The following EDEM2 variants were observed in gnomAD, a reference collection of about 807,000 sequenced individuals.
The protein encoded by EDEM2 is ER degradation enhancing alpha-mannosidase like protein 2.
Under a neutral mutation model 64.8 loss-of-function variants are expected in EDEM2, and 39 were observed. That is an observed-to-expected ratio of 0.60 (90% CI 0.47 to 0.79). EDEM2 has a LOEUF of 0.79. Among genes scored for constraint, EDEM2 ranks in the 30% least tolerant of loss-of-function variants. The pLI is 0.00. For missense variants in EDEM2, 609 were observed against 731.3 expected (o/e 0.83, Z 1.93); for synonymous variants, 296 against 291.5 (o/e 1.02, Z -0.16).
chr20:35,139,691 T>C (rs1400809931), intron 4 of EDEM2, among the ~76,000 whole-genome samples: 1 of 148,850 alleles, frequency 6.7e-6, no homozygotes, highest in African/African-American at 2.5e-5. Flanking sequence ...AAAAGAAATC[T>C]ACATGTATGT....
At chr20:35,134,122 C>T in intron 6 of EDEM2, 1 of 456,114 alleles carries the variant, frequency 2.2e-6, no homozygotes, top group Non-Finnish European at 4.4e-6. Flanking sequence ...ATCATCTGGT[C>T]CAAAGTGTGT....
At chr20:35,142,836 G>C (rs2085676523) in intron 3 of EDEM2, among the ~76,000 whole-genome samples, 1 of 152,118 alleles carries the variant, frequency 6.6e-6, no homozygotes. Flanking sequence ...CGTGATCTTG[G>C]CTCACTTCAA....
intron 9 of EDEM2, among the ~76,000 whole-genome samples, chr20:35,121,736 G>A (rs955865212): frequency 6.6e-6 from 1 of 152,104 alleles, no homozygotes; most frequent in African/African-American, 2.4e-5. Context: ...ATTTGCCATT[G>A]TTTTGGGGTA....
chr20:35,135,528 G>A (rs1183768177), intron 5 of EDEM2, among the ~76,000 whole-genome samples: 1 of 152,198 alleles, frequency 6.6e-6, no homozygotes, highest in Non-Finnish European at 1.5e-5. Context: ...GTGCACGCCT[G>A]TAATTCTGGC....
chr20:35,132,165 G>A (rs2085514181), intron 6 of EDEM2, among the ~76,000 whole-genome samples: 1 of 152,104 alleles, frequency 6.6e-6, no homozygotes, highest in Non-Finnish European at 1.5e-5. Context: ...AGACACAGAC[G>A]TGCTTTACGT....
chr20:35,146,029 G>A (rs935346389), intron 2 of EDEM2, among the ~76,000 whole-genome samples: 2 of 146,476 alleles, frequency 1.4e-5, no homozygotes, highest in African/African-American at 5.0e-5. Context: ...AAAAAAGAGT[G>A]TATTTTATTA....
Position 35,137,976 on chromosome 20 carries a change from G to A in EDEM2, c.394C>T (p.Leu132Phe). 6.2e-7 allele frequency: 1 copy of A among 1,614,186 alleles called. No individual in the cohort carries two copies. The highest frequency in any genetic ancestry group is 1.3e-5 in the African/African-American group (1 of 75,034). ...ACTTCCACCCCAGCCTTCTTGGAGA[G>A]CAGATGAGCAGACAGGAGTCCTCCT... The part of the protein sequence containing the change: ...VVGGLLSAHL[L>F]SKKAGVEVEA... Residue 132 changes from leucine to phenylalanine, a missense_variant, in exon 5 of 11, where the codon CTC (leucine) becomes TTC (phenylalanine). Leu to Phe is a conservative substitution (Grantham distance 22). Coordinates refer to ENST00000374492, the MANE Select transcript of EDEM2 (RefSeq NM_018217.3).
intron 9 of EDEM2, among the ~76,000 whole-genome samples, chr20:35,121,609 T>G (rs1323684317): frequency 6.6e-6 from 1 of 152,164 alleles, no homozygotes; most frequent in East Asian, 1.9e-4. Context: ...TAGAGGAAGG[T>G]AAAAGCCTGC....
chr20:35,119,691 G>A (rs1340428706), intron 9 of EDEM2, among the ~76,000 whole-genome samples: 1 of 152,154 alleles, frequency 6.6e-6, no homozygotes, highest in African/African-American at 2.4e-5. Context: ...CAGAAAAAGT[G>A]ATGTTTTGTC....
At chr20:35,120,066 C>T (rs772697501) in intron 9 of EDEM2, among the ~76,000 whole-genome samples, 5 of 152,016 alleles carry the variant, frequency 3.3e-5, no homozygotes, top group Admixed American at 6.6e-5. Flanking sequence ...TATTTTATTC[C>T]GTTAATTACT....
chr20:35,118,065 A>G (rs370107882), intron 10 of EDEM2, among the ~76,000 whole-genome samples: 12 of 152,138 alleles, frequency 7.9e-5, no homozygotes, highest in African/African-American at 2.4e-4. Flanking sequence ...TACCAGATAC[A>G]CATTCATGGT....
chr20:35,135,071 G>A, intron 5 of EDEM2, 122 bp from the exon 6 acceptor site: 1 of 967,958 alleles, frequency 1.0e-6, no homozygotes, highest in Non-Finnish European at 1.5e-6. Context: ...TCCTGCTAGA[G>A]TCTGAGCCAG....
chr20:35,138,101 T>C (rs978680581), intron 4 of EDEM2, 96 bp from the exon 5 acceptor site: 3 of 1,488,030 alleles, frequency 2.0e-6, no homozygotes, highest in African/African-American at 1.4e-5. Flanking sequence ...AAACACTCTA[T>C]TGTGGGGCGC....
chr20:35,115,662 C>G lies in EDEM2; in HGVS notation c.1508G>C (p.Arg503Thr). Residue 503 changes from arginine to threonine, a missense_variant, in exon 11 of 11, where the codon AGG (arginine) becomes ACG (threonine). By Grantham distance (71) the Arg-to-Thr change is moderately conservative. Transcript: ENST00000374492. ...GCTCCGTTTGAGAGAGTAGAATTCC[C>G]TCATCAAGTCCTCCACCTCCCACTG... ...EEQWEVEDLM[R>T]EFYSLKRSRS... The G allele has an allele frequency of 6.2e-7, 1 of 1,614,222 alleles. No individual in the cohort carries two copies. The highest frequency in any genetic ancestry group is 8.5e-7 in the Non-Finnish European group (1 of 1,180,040).
At chr20:35,116,255 C>T (rs569964920) in intron 10 of EDEM2, among the ~76,000 whole-genome samples, 85 of 152,260 alleles carry the variant, frequency 5.6e-4, no homozygotes, top group African/African-American at 2.0e-3. Context: ...ATTCCTCCTA[C>T]CTTGGCCTCC....
Position 35,145,275 on chromosome 20 carries a change from T to C in EDEM2, c.219-257A>G, listed in dbSNP as rs6060266. Among the ~76,000 whole-genome samples the C allele has an allele frequency of 0.22, 33,789 of 152,128 alleles. 3,924 individuals are homozygous for C. The highest frequency in any genetic ancestry group is 0.34 in the Middle Eastern group (101 of 294). ...TATAGTCTGGCATTCTCCTCTACCA[T>C]TGGGAGGCAGTATAAGATTGCAGCT... is the stretch of plus-strand genomic sequence containing the variant. On this transcript the variant is annotated intron_variant, in intron 2 of 10. Transcript: ENST00000374492.
intron 10 of EDEM2, among the ~76,000 whole-genome samples, chr20:35,117,630 T>A (rs889346721): frequency 3.3e-5 from 5 of 152,250 alleles, no homozygotes; most frequent in Non-Finnish European, 7.3e-5. Context: ...TATATTTTAC[T>A]TATAGAATAT....
chr20:35,132,070 G>T (rs929625091), intron 6 of EDEM2, among the ~76,000 whole-genome samples: 1 of 152,230 alleles, frequency 6.6e-6, no homozygotes, highest in Non-Finnish European at 1.5e-5. Flanking sequence ...CCTGCCTAGA[G>T]TGAGTGTGAG....
At chr20:35,144,933 T>TG (rs895183301) in intron 3 of EDEM2, 46 bp downstream of exon 3, 4 of 1,600,446 alleles carry the variant, frequency 2.5e-6, no homozygotes, top group Non-Finnish European at 2.6e-6. Flanking sequence ...GGAAGGATGT[T>TG]GGTTATGTAA....
Sources: allele counts gnomAD v4.1 joint callset (sites outside exome capture counted in the v4.1 genomes callset), GRCh38; gene constraint gnomAD v4.1.1; transcripts MANE v1.5; gene names NCBI Gene and HGNC (gene_info 2026-07-23, HGNC 2026-07-21).